PRR23B: variants seen among roughly 807,000 people sequenced by gnomAD.
PRR23B encodes proline rich 23B, also known as proline-rich protein 23B.
For missense variants in PRR23B, 375 were observed against 371.7 expected (o/e 1.01, Z -0.07); for synonymous variants, 157 against 168.0 (o/e 0.93, Z 0.51).
At position 139,019,732 on chromosome 3, in the gene PRR23B, G is replaced by T; in HGVS notation, c.*132C>A. 1.2e-6 allele frequency: 1 copy of T among 860,600 alleles called. No homozygotes were observed. Among genetic ancestry groups the T allele is most frequent in the Non-Finnish European group, 1.8e-6 (1 of 569,750 alleles). 53.3% of individuals were successfully genotyped at this position (860,600 alleles called of 1,614,324 possible). On this transcript the variant is annotated 3_prime_UTR_variant, in exon 1 of 1. Transcript: ENST00000329447. ...TCTCCTACTATCGGTAGTGTGCAGC[G>T]AAAAAGCAATTGTCCGAACACGCGG...
chr3:139,019,869 C>A lies in PRR23B; in HGVS notation c.793G>T (p.Ala265Ser), dbSNP rs555934885. 1 of 1,589,404 alleles carries A rather than the reference C, an allele frequency of 6.3e-7. No individual in the cohort carries two copies. Among genetic ancestry groups the A allele is most frequent in the Non-Finnish European group, 8.5e-7 (1 of 1,169,994 alleles). ...PCKARRRLFQ[A>S] Reference sequence around the variant, plus strand: ...GTGTACGTGGGGGTGGGGGTCTATGCCTGGAACAGGCGTCTCCGGGCCTTG... The same window carrying A: ...GTGTACGTGGGGGTGGGGGTCTATGACTGGAACAGGCGTCTCCGGGCCTTG... Residue 265 changes from alanine (A) to serine (S), a missense_variant, in exon 1 of 1, where the codon GCA becomes TCA. Transcript: ENST00000329447.
chr3:139,020,526 C>A, the PRR23B span: 11 of 1,567,716 alleles, frequency 7.0e-6, no homozygotes, highest in Non-Finnish European at 9.5e-6. Context: ...GCCGGGTCTT[C>A]CAGGCTGGGT....
At position 139,020,178 on chromosome 3, in the gene PRR23B, C is replaced by G; in HGVS notation, c.484G>C (p.Glu162Gln). The G allele has an allele frequency of 6.2e-7, 1 of 1,614,064 alleles. No individual in the cohort carries two copies. Among genetic ancestry groups the G allele is most frequent in the Non-Finnish European group, 8.5e-7 (1 of 1,179,980 alleles). ...EEAYEEDADP[E>Q]FPELRMDSPT... ...GAGTCCATCCGGAGCTCCGGGAACT[C>G]GGGGTCCGCGTCCTCCTCGTAGGCC... The change falls in exon 1 of 1, where the codon GAG (glutamate) becomes CAG (glutamine). Residue 162 changes from glutamate to glutamine, a missense_variant. Transcript: ENST00000329447.
Position 139,020,668 on chromosome 3 carries a change from G to A in PRR23B, c.-7C>T. ...TGCGGGGCCGGCTGACCATCGCCTC[G>A]ACGGCGCTGTGGACGGCGCTCCTGG... On this transcript the variant is annotated 5_prime_UTR_variant, in exon 1 of 1. Transcript: ENST00000329447. 6.6e-7 allele frequency: 1 copy of A among 1,503,796 alleles called. No homozygotes were observed. The highest frequency in any genetic ancestry group is 8.8e-7 in the Non-Finnish European group (1 of 1,135,768). The allele number at this position is 1,503,796 out of a possible 1,614,324, so 93.2% of individuals were successfully genotyped here. A position where few individuals can be genotyped will look rare whatever the true frequency, so the allele number is the denominator to read the frequency against.
rs1416652177 is a variant in PRR23B, at chr3:139,019,748, G to C, written c.*116C>G. 9.4e-6 allele frequency: 10 copies of C among 1,061,176 alleles called. No individual in the cohort carries two copies. The highest frequency in any genetic ancestry group is 1.6e-5 in the African/African-American group (1 of 62,700). The allele number at this position is 1,061,176 out of a possible 1,614,324, so 65.7% of individuals were successfully genotyped here. The stretch of plus-strand genomic sequence containing the variant: ...GTGTGCAGCGAAAAAGCAATTGTCC[G>C]AACACGCGGTGCCCAATTTCCAGGT... On this transcript the variant is annotated 3_prime_UTR_variant, in exon 1 of 1. Coordinates refer to ENST00000329447, the MANE Select transcript of PRR23B (RefSeq NM_001013650.2).
At position 139,019,851 on chromosome 3, in the gene PRR23B, T is replaced by C. The variant is rs1475466470; in HGVS notation, c.*13A>G. Reference sequence around the variant, plus strand: ...AGCGGCCAGGATTGTTGTGTGTACGTGGGGGTGGGGGTCTATGCCTGGAAC... The same window carrying C: ...AGCGGCCAGGATTGTTGTGTGTACGCGGGGGTGGGGGTCTATGCCTGGAAC... On this transcript the variant is annotated 3_prime_UTR_variant, in exon 1 of 1. Transcript: ENST00000329447. 3 of 1,563,904 alleles carry C rather than the reference T, an allele frequency of 1.9e-6. No homozygotes were observed. The highest frequency in any genetic ancestry group is 2.2e-5 in the East Asian group (1 of 44,544).
In PRR23B at chr3:139,020,820, C is replaced by T. The variant is rs1936945099; in HGVS notation, c.-159G>A. ...CGCGACGCGGGGCGAGTCCTCGGAG[C>T]TCCCGGGGCGCCTCCTGGGGGACCG... On this transcript the variant is annotated 5_prime_UTR_variant, in exon 1 of 1. Coordinates refer to ENST00000329447, the MANE Select transcript of PRR23B (RefSeq NM_001013650.2). 3 of 947,278 alleles carry T rather than the reference C, an allele frequency of 3.2e-6. No individual in the cohort carries two copies. The highest frequency in any genetic ancestry group is 4.0e-5 in the South Asian group (2 of 50,378). The allele number at this position is 947,278 out of a possible 1,614,324, so 58.7% of individuals were successfully genotyped here. A position where few individuals can be genotyped will look rare whatever the true frequency, so the allele number is the denominator to read the frequency against.
chr3:139,020,757 TA>T lies in PRR23B; in HGVS notation c.-97del, dbSNP rs1936941744. On this transcript the variant is annotated 5_prime_UTR_variant, in exon 1 of 1. Transcript: ENST00000329447. Reference sequence around the variant, plus strand: ...TCTTTGAAGTAACAGATGTCGGTGGTAGGGGAGGCTGGTTGGGACGAGCGGG... The same window carrying T: ...TCTTTGAAGTAACAGATGTCGGTGGTGGGGAGGCTGGTTGGGACGAGCGGG... 7.3e-7 allele frequency: 1 copy of T among 1,378,044 alleles called. No homozygotes were observed. The allele number at this position is 1,378,044 out of a possible 1,614,324, so 85.4% of individuals were successfully genotyped here. A position where few individuals can be genotyped will look rare whatever the true frequency, so the allele number is the denominator to read the frequency against.
At position 139,020,580 on chromosome 3, in the gene PRR23B, G is replaced by T. The variant is rs1001329010; in HGVS notation, c.82C>A (p.Arg28Ser). The change falls in exon 1 of 1, where the codon CGC becomes AGC. Residue 28 changes from arginine (R) to serine (S), a missense_variant. Arg to Ser is a moderately radical substitution (Grantham distance 110, BLOSUM62 -1). Coordinates refer to ENST00000329447, the MANE Select transcript of PRR23B (RefSeq NM_001013650.2). The part of the protein sequence containing the change: ...QQPGGPGPAK[R>S]LRLEEPAGPE... ...CCCGCGGGCTCCTCCAATCGGAGGC[G>T]CTTGGCAGGGCCGGGTCCTCCTGGC... The T allele has an allele frequency of 1.2e-5, 18 of 1,551,984 alleles. No homozygotes were observed. The highest frequency in any genetic ancestry group is 1.5e-5 in the Non-Finnish European group (17 of 1,153,262).
chr3:139,020,156 T>A lies in PRR23B; in HGVS notation c.506A>T (p.Asp169Val), dbSNP rs1282157154. The stretch of plus-strand genomic sequence containing the variant: ...CCCAGCGGCTGAGCCGGTTGGGGAG[T>A]CCATCCGGAGCTCCGGGAACTCGGG... Reference protein sequence around the residue: ...ADPEFPELRMDSPTGSAAGLY... With the variant: ...ADPEFPELRMVSPTGSAAGLY... The change falls in exon 1 of 1, where the codon GAC becomes GTC. Residue 169 changes from aspartate (D) to valine (V), a missense_variant. Transcript: ENST00000329447. 6.2e-7 allele frequency: 1 copy of A among 1,611,976 alleles called. No individual in the cohort carries two copies. The highest frequency in any genetic ancestry group is 8.5e-7 in the Non-Finnish European group (1 of 1,179,466).
chr3:139,020,562 G>A lies in PRR23B; in HGVS notation c.100C>T (p.Pro34Ser). 1 of 1,551,804 alleles carries A rather than the reference G, an allele frequency of 6.4e-7. No homozygotes were observed. The highest frequency in any genetic ancestry group is 8.7e-7 in the Non-Finnish European group (1 of 1,152,162). ...GCCGCGCGGGGTTCGGGGCCCGCGG[G>A]CTCCTCCAATCGGAGGCGCTTGGCA... ...GPAKRLRLEE[P>S]AGPEPRAAPS... Residue 34 changes from proline (P) to serine (S), a missense_variant, in exon 1 of 1, where the codon CCC (proline) becomes TCC (serine). Transcript: ENST00000329447.
Position 139,020,551 on chromosome 3 carries a change from G to C in PRR23B, c.111C>G (p.Pro37=), listed in dbSNP as rs1936938850. 1.3e-6 allele frequency: 2 copies of C among 1,550,564 alleles called. No individual in the cohort carries two copies. The highest frequency in any genetic ancestry group is 1.7e-6 in the Non-Finnish European group (2 of 1,151,486). ...CCAGGCTGGGTGCCGCGCGGGGTTCGGGGCCCGCGGGCTCCTCCAATCGGA... is the reference window on the plus strand; with the variant it reads ...CCAGGCTGGGTGCCGCGCGGGGTTCCGGGCCCGCGGGCTCCTCCAATCGGA... ...KRLRLEEPAG[P]EPRAAPSLED... The change falls in exon 1 of 1, where the codon CCC becomes CCG. Residue 37 remains proline (P), a synonymous_variant. Coordinates refer to ENST00000329447, the MANE Select transcript of PRR23B (RefSeq NM_001013650.2).
rs762099341 is a variant in PRR23B at position 139,019,967 on chromosome 3, G to A, written c.695C>T (p.Pro232Leu). The change falls in exon 1 of 1, where the codon CCT (proline) becomes CTT (leucine). Residue 232 changes from proline (P) to leucine (L), a missense_variant. By Grantham distance (98) the Pro-to-Leu change is moderately conservative. Transcript: ENST00000329447. ...CCCCACGCACGGAGAGGGAGGTAGA[G>A]GTTGGAGAGGTGAGCTGGGGACAGG... ...LEPVPSSPLQ[P>L]LPPSPCVGSP... 3.7e-6 allele frequency: 6 copies of A among 1,614,146 alleles called. No homozygotes were observed. Among genetic ancestry groups the A allele is most frequent in the Non-Finnish European group, 5.1e-6 (6 of 1,180,018 alleles).
At position 139,020,434 on chromosome 3, in the gene PRR23B, G is replaced by A. The variant is rs1256424221; in HGVS notation, c.228C>T (p.Val76=). Residue 76 remains valine (V), a synonymous_variant, in exon 1 of 1, where the codon GTC becomes GTT. Transcript: ENST00000329447. ...TTGGTGCGGGCTCCAGCACCAGGTCGACGTCGTCCAGGGGCACACGCAGGG... is the reference window on the plus strand; with the variant it reads ...TTGGTGCGGGCTCCAGCACCAGGTCAACGTCGTCCAGGGGCACACGCAGGG... The part of the protein sequence containing the change: ...GCALRVPLDD[V]DLVLEPAPTS... The A allele has an allele frequency of 6.2e-7, 1 of 1,613,448 alleles. No homozygotes were observed. The highest frequency in any genetic ancestry group is 8.5e-7 in the Non-Finnish European group (1 of 1,179,860).
In PRR23B at chr3:139,020,785, C is replaced by A. The variant is rs1358116329; in HGVS notation, c.-124G>T. The A allele has an allele frequency of 1.6e-6, 2 of 1,217,792 alleles. No homozygotes were observed. The highest frequency in any genetic ancestry group is 1.6e-5 in the African/African-American group (1 of 61,584). 75.4% of individuals were successfully genotyped at this position (1,217,792 alleles called of 1,614,324 possible). A position where few individuals can be genotyped will look rare whatever the true frequency, so the allele number is the denominator to read the frequency against. On this transcript the variant is annotated 5_prime_UTR_variant, in exon 1 of 1. Transcript: ENST00000329447. Reference sequence around the variant, plus strand: ...GGGAGGCTGGTTGGGACGAGCGGGGCGCAGGACCGCGCGACGCGGGGCGAG... The same window carrying A: ...GGGAGGCTGGTTGGGACGAGCGGGGAGCAGGACCGCGCGACGCGGGGCGAG...
At position 139,020,700 on chromosome 3, in the gene PRR23B, C is replaced by G; in HGVS notation, c.-39G>C. On this transcript the variant is annotated 5_prime_UTR_variant, in exon 1 of 1. Transcript: ENST00000329447. ...CTGTGGACGGCGCTCCTGGGCCTAG[C>G]AGCGGACGTGGGGAGCGCGGCGGTG... 1 of 1,458,650 alleles carries G rather than the reference C, an allele frequency of 6.9e-7. No individual in the cohort carries two copies. Among genetic ancestry groups the G allele is most frequent in the Non-Finnish European group, 9.0e-7 (1 of 1,116,490 alleles). 90.4% of individuals were successfully genotyped at this position (1,458,650 alleles called of 1,614,324 possible).
At position 139,019,254 on chromosome 3, in the gene PRR23B, A is replaced by T. The variant is rs952069382; in HGVS notation, c.*610T>A. 1 of 152,272 alleles carries T rather than the reference A, an allele frequency of 6.6e-6. No individual in the cohort carries two copies. Among genetic ancestry groups the T allele is most frequent in the Non-Finnish European group, 1.5e-5 (1 of 68,048 alleles). The allele number at this position is 152,272 out of a possible 1,614,324, so 9.4% of individuals were successfully genotyped here. On this transcript the variant is annotated 3_prime_UTR_variant, in exon 1 of 1. Coordinates refer to ENST00000329447, the MANE Select transcript of PRR23B (RefSeq NM_001013650.2). The stretch of plus-strand genomic sequence containing the variant: ...AAAATACATAACACAATGCATGCTG[A>T]AAACATCTGATAAAATTCAACACAA...
Position 139,020,335 on chromosome 3 carries a change from G to A in PRR23B, c.327C>T (p.Asp109=), listed in dbSNP as rs1231745339. 2 of 1,613,942 alleles carry A rather than the reference G, an allele frequency of 1.2e-6. No individual in the cohort carries two copies. The highest frequency in any genetic ancestry group is 2.7e-5 in the African/African-American group (2 of 74,912). ...LIPEVLLSSV[D]ERSGAQHDSS... ...AGTCGTGCTGCGCTCCTGAGCGTTC[G>A]TCGACGGAGCTCAGGAGGACCTCTG... Residue 109 remains aspartate, a synonymous_variant, in exon 1 of 1, where the codon GAC becomes GAT. Transcript: ENST00000329447.
chr3:139,019,850 G>C lies in PRR23B; in HGVS notation c.*14C>G, dbSNP rs1368730949. On this transcript the variant is annotated 3_prime_UTR_variant, in exon 1 of 1. Coordinates refer to ENST00000329447, the MANE Select transcript of PRR23B (RefSeq NM_001013650.2). ...GAGCGGCCAGGATTGTTGTGTGTAC[G>C]TGGGGGTGGGGGTCTATGCCTGGAA... is the stretch of plus-strand genomic sequence containing the variant. 5.7e-6 allele frequency: 9 copies of C among 1,565,668 alleles called. No homozygotes were observed. Among genetic ancestry groups the C allele is most frequent in the South Asian group, 2.4e-5 (2 of 82,302 alleles).
Sources: allele counts gnomAD v4.1 joint callset, GRCh38; gene constraint gnomAD v4.1.1; transcripts MANE v1.5; gene names NCBI Gene and HGNC (gene_info 2026-07-23, HGNC 2026-07-21).